The following ACOXL variants were observed in gnomAD, a reference collection of about 807,000 sequenced individuals.
ACOXL encodes the protein acyl-CoA oxidase like, also known as acyl-coenzyme A oxidase-like protein.
A neutral mutation model predicts 71.9 loss-of-function variants in ACOXL; 70 were observed. The ratio of observed to expected loss-of-function variants is 0.97; its 90% confidence interval spans 0.80 to 1.19. ACOXL has a LOEUF of 1.19. ACOXL is among the 50% of genes most tolerant of loss of function. ACOXL has a pLI of 0.00. For missense variants in ACOXL, 703 were observed against 736.3 expected (o/e 0.95, Z 0.52); for synonymous variants, 253 against 281.6 (o/e 0.90, Z 1.02).
chr2:111,101,408 G>C (rs1352665648), intron 17 of ACOXL, among the ~76,000 whole-genome samples: 3 of 152,154 alleles, frequency 2.0e-5, no homozygotes, highest in African/African-American at 7.2e-5. Context: ...TGCGGTGTTG[G>C]TTGTTTTCCA....
At chr2:110,778,446 T>C (rs7579384) in intron 2 of ACOXL, among the ~76,000 whole-genome samples, 18,607 of 152,226 alleles carry the variant, frequency 0.12, 3,029 homozygotes, top group African/African-American at 0.38. Flanking sequence ...TTTATACTTA[T>C]ATTGTTTTGA....
At chr2:110,849,046 C>T (rs1692271613) in intron 10 of ACOXL, among the ~76,000 whole-genome samples, 1 of 152,252 alleles carries the variant, frequency 6.6e-6, no homozygotes, top group South Asian at 2.1e-4. Flanking sequence ...CACCCTCCAA[C>T]AGCCCCCCTT....
intron 12 of ACOXL, among the ~76,000 whole-genome samples, chr2:110,961,302 G>A (rs192595163): frequency 8.0e-4 from 122 of 152,306 alleles, no homozygotes; most frequent in Non-Finnish European, 1.4e-3. Context: ...CACCATGTAG[G>A]AGAGAAGGGA....
intron 11 of ACOXL, among the ~76,000 whole-genome samples, chr2:110,917,590 A>T (rs539050543): frequency 1.3e-5 from 2 of 152,224 alleles, no homozygotes; most frequent in Admixed American, 6.5e-5. Context: ...AGGGTATTCA[A>T]ATAGGAAGAG....
chr2:110,834,129 TTTC>T (rs1184609205), intron 9 of ACOXL, among the ~76,000 whole-genome samples: 1 of 152,240 alleles, frequency 6.6e-6, no homozygotes. Context: ...CATGGTTCCT[TTTC>T]TTCTCTTTGT....
At chr2:110,881,623 C>G (rs1388403424) in intron 10 of ACOXL, among the ~76,000 whole-genome samples, 3 of 152,234 alleles carry the variant, frequency 2.0e-5, no homozygotes, top group Non-Finnish European at 2.9e-5. Flanking sequence ...TAATCTCTCT[C>G]TCCCGTCCTC....
chr2:110,995,983 G>T lies in ACOXL; in HGVS notation c.1260G>T (p.Leu420Phe). ...GTGAAAGGGTTCTTCAGCGGGGTTT[G>T]GTGGCCAGAATTTATTATAAGGTAA... ...KFRERVLQRG[L>F]VARIYYKVKT... The change falls in exon 14 of 18, where the codon TTG becomes TTT. Residue 420 changes from leucine to phenylalanine, a missense_variant. Physicochemically the swap from Leu to Phe is conservative, Grantham distance 22. Transcript: ENST00000439055. 1 of 1,591,208 alleles carries T rather than the reference G, an allele frequency of 6.3e-7. No individual in the cohort carries two copies. The highest frequency in any genetic ancestry group is 8.5e-7 in the Non-Finnish European group (1 of 1,179,038).
At chr2:110,915,852 T>G (rs1431812634) in intron 11 of ACOXL, among the ~76,000 whole-genome samples, 1 of 152,166 alleles carries the variant, frequency 6.6e-6, no homozygotes, top group Admixed American at 6.6e-5. Flanking sequence ...TGGAAGATTT[T>G]GATATCAGTG....
At chr2:110,958,324 C>T (rs555205504) in intron 12 of ACOXL, among the ~76,000 whole-genome samples, 29 of 152,304 alleles carry the variant, frequency 1.9e-4, no homozygotes, top group African/African-American at 6.7e-4. Context: ...GTATCATTGG[C>T]CACATGTCAG....
At chr2:110,832,815 C>T (rs1482425568) in intron 9 of ACOXL, among the ~76,000 whole-genome samples, 2 of 152,098 alleles carry the variant, frequency 1.3e-5, no homozygotes, top group African/African-American at 4.8e-5. Context: ...GGCAAATAAG[C>T]ACATGAAAAG....
intron 9 of ACOXL, among the ~76,000 whole-genome samples, chr2:110,821,545 TG>T (rs1259524775): frequency 1.3e-5 from 2 of 152,194 alleles, no homozygotes; most frequent in Non-Finnish European, 2.9e-5. Context: ...GCAGGTGCCC[TG>T]TCCATCTCTT....
At chr2:111,000,338 G>T (rs2063564928) in intron 14 of ACOXL, among the ~76,000 whole-genome samples, 1 of 152,178 alleles carries the variant, frequency 6.6e-6, no homozygotes, top group African/African-American at 2.4e-5. Context: ...CAAGTTGAAG[G>T]TGTTGCCTGC....
chr2:111,108,661 G>A (rs953271676), intron 17 of ACOXL, among the ~76,000 whole-genome samples: 18 of 152,208 alleles, frequency 1.2e-4, no homozygotes, highest in African/African-American at 4.3e-4. Flanking sequence ...ACTGGCGTGA[G>A]CCACCATGCC....
chr2:110,796,907 T>C (rs1454379553), intron 5 of ACOXL, among the ~76,000 whole-genome samples: 3 of 152,262 alleles, frequency 2.0e-5, no homozygotes, highest in Admixed American at 6.5e-5. Flanking sequence ...GTGTTGTCTA[T>C]ATACTTTATA....
At chr2:111,106,363 G>A (rs560980684) in intron 17 of ACOXL, among the ~76,000 whole-genome samples, 1 of 151,906 alleles carries the variant, frequency 6.6e-6, no homozygotes, top group East Asian at 1.9e-4. Context: ...TTTCTATTTG[G>A]GCTCCTTTGT....
chr2:111,116,328 A>T (rs192095714), intron 17 of ACOXL, among the ~76,000 whole-genome samples: 265 of 152,332 alleles, frequency 1.7e-3, no homozygotes, highest in African/African-American at 5.7e-3. Flanking sequence ...GTGTGTGAAG[A>T]ATGAAGTTTT....
intron 12 of ACOXL, among the ~76,000 whole-genome samples, chr2:110,975,067 G>A (rs1489642677): frequency 6.6e-6 from 1 of 152,178 alleles, no homozygotes; most frequent in East Asian, 1.9e-4. Context: ...CAGCGGTGGG[G>A]CATCAGCCCA....
intron 10 of ACOXL, among the ~76,000 whole-genome samples, chr2:110,844,259 G>A (rs1691520246): frequency 6.6e-6 from 1 of 152,200 alleles, no homozygotes; most frequent in African/African-American, 2.4e-5. Flanking sequence ...CTGTGGAAAC[G>A]GAGAAGGGAT....
At chr2:110,839,021 C>G (rs1355333051) in intron 9 of ACOXL, among the ~76,000 whole-genome samples, 1 of 152,208 alleles carries the variant, frequency 6.6e-6, no homozygotes, top group Admixed American at 6.5e-5. Flanking sequence ...ATATTTTATT[C>G]AGAAGCCAGG....
Sources: allele counts gnomAD v4.1 joint callset (sites outside exome capture counted in the v4.1 genomes callset), GRCh38; gene constraint gnomAD v4.1.1; transcripts MANE v1.5; gene names NCBI Gene and HGNC (gene_info 2026-07-23, HGNC 2026-07-21).